The following PACRGL variants were observed in gnomAD, a reference collection of about 807,000 sequenced individuals.
The protein encoded by PACRGL is parkin coregulated like.
In PACRGL, 38 loss-of-function variants were observed where a neutral mutation model predicts 34.5. That is an observed-to-expected ratio of 1.10 (90% confidence interval 0.85 to 1.44). The LOEUF (loss-of-function observed/expected upper bound fraction) is 1.44, where lower values mean the gene tolerates loss of function less well. Ranked by LOEUF, PACRGL falls within the 40% of genes most tolerant of loss-of-function variation. The pLI, the probability that PACRGL is intolerant of heterozygous loss-of-function variation, is 0.00. For missense variants in PACRGL, 305 were observed against 281.4 expected (o/e 1.08, Z -0.60); for synonymous variants, 128 against 100.1 (o/e 1.28, Z -1.66).
chr4:20,721,817 C>G (rs1436020640), intron 7 of PACRGL, among the ~76,000 whole-genome samples: 2 of 152,230 alleles, frequency 1.3e-5, no homozygotes, highest in Non-Finnish European at 2.9e-5. Context: ...AGATCTCAAA[C>G]TCCGTGCTGG....
At chr4:20,719,513 G>T (rs1741951329) in intron 7 of PACRGL, among the ~76,000 whole-genome samples, 1 of 152,144 alleles carries the variant, frequency 6.6e-6, no homozygotes, top group African/African-American at 2.4e-5. Context: ...ATGTCCCAGA[G>T]ATTCTGGTAC....
downstream of PACRGL, among the ~76,000 whole-genome samples, chr4:20,733,293 G>A (rs1031909905): frequency 6.6e-6 from 1 of 152,096 alleles, no homozygotes; most frequent in Non-Finnish European, 1.5e-5. Flanking sequence ...AGTCACATGT[G>A]AAGACTAGTC....
chr4:20,703,024 C>T (rs1035888117), intron 1 of PACRGL, among the ~76,000 whole-genome samples: 2 of 152,086 alleles, frequency 1.3e-5, no homozygotes, highest in Non-Finnish European at 2.9e-5. Flanking sequence ...AGATATCTGG[C>T]TAAATTTTAT....
intron 8 of PACRGL, among the ~76,000 whole-genome samples, chr4:20,745,268 C>T (rs1752174390): frequency 6.6e-6 from 1 of 152,068 alleles, no homozygotes; most frequent in South Asian, 2.1e-4. Context: ...CAAAAGTATC[C>T]TGATTCACAT....
chr4:20,760,737 C>G, the PACRGL span, among the ~76,000 whole-genome samples: 1 of 152,070 alleles, frequency 6.6e-6, no homozygotes, highest in Non-Finnish European at 1.5e-5. Flanking sequence ...GCTTGGAACT[C>G]TCCAGGTCAT....
Position 20,729,050 on chromosome 4 carries a change from ATTT to A in PACRGL, c.*1711_*1713del, listed in dbSNP as rs1202721019. The A allele has an allele frequency of 1.4e-5, 1 of 69,806 alleles. No homozygotes were observed. The highest frequency in any genetic ancestry group is 3.1e-5 in the Non-Finnish European group (1 of 32,606). 4.3% of individuals were successfully genotyped at this position (69,806 alleles called of 1,614,324 possible). On this transcript the variant is annotated 3_prime_UTR_variant, in exon 9 of 9. Transcript: ENST00000503585. Reference sequence around the variant, plus strand: ...GGAACCACTGGTGCTTTCAAAGTGAATTTTGCTTGCTAATTTTGCTTGCTGTTT... The same window carrying A: ...GGAACCACTGGTGCTTTCAAAGTGAATGCTTGCTAATTTTGCTTGCTGTTT...
At chr4:20,745,888 C>T (rs990565949) in intron 8 of PACRGL, among the ~76,000 whole-genome samples, 4 of 152,144 alleles carry the variant, frequency 2.6e-5, no homozygotes, top group Non-Finnish European at 5.9e-5. Flanking sequence ...AATGAGATGA[C>T]CAATGTCATT....
intron 8 of PACRGL, among the ~76,000 whole-genome samples, chr4:20,746,567 A>G (rs113698381): frequency 2.6e-5 from 4 of 152,222 alleles, no homozygotes; most frequent in African/African-American, 9.6e-5. Flanking sequence ...TTAACATCTA[A>G]TAACTACTGA....
At chr4:20,708,673 G>A (rs1735672503) in intron 4 of PACRGL, among the ~76,000 whole-genome samples, 1 of 151,908 alleles carries the variant, frequency 6.6e-6, no homozygotes, top group Non-Finnish European at 1.5e-5. Flanking sequence ...TTACTCTTAT[G>A]AAAATAAGCC....
At chr4:20,735,530 G>GTTTTTTT (rs10542507), downstream of PACRGL, among the ~76,000 whole-genome samples, 1 of 109,714 alleles carries the variant, frequency 9.1e-6, no homozygotes, top group East Asian at 2.7e-4. Context: ...TTTTTTTTTT[G>GTTTTTTT]TTTTTTTTTT....
upstream of PACRGL, among the ~76,000 whole-genome samples, chr4:20,696,890 T>G (rs1731266461): frequency 6.6e-6 from 1 of 152,216 alleles, no homozygotes; most frequent in African/African-American, 2.4e-5. Flanking sequence ...AATATCACAT[T>G]AATAGTGTTT....
Position 20,732,172 on chromosome 4 carries a change from T to C in PACRGL, c.*4831T>C. ...GATAAAAAGAAAACCTAGCTGCTTA[T>C]TTATTTCACGTGGAGGAACTGTTTC... is the stretch of plus-strand genomic sequence containing the variant. On this transcript the variant is annotated 3_prime_UTR_variant, in exon 9 of 9. Coordinates refer to ENST00000503585, the MANE Select transcript of PACRGL (RefSeq NM_001258345.3). The C allele has an allele frequency of 1.3e-6, 1 of 767,324 alleles. No homozygotes were observed. Among genetic ancestry groups the C allele is most frequent in the Non-Finnish European group, 2.2e-6 (1 of 464,070 alleles). 47.5% of individuals were successfully genotyped at this position (767,324 alleles called of 1,614,324 possible). A position where few individuals can be genotyped will look rare whatever the true frequency, so the allele number is the denominator to read the frequency against.
intron 6 of PACRGL, 132 bp downstream of exon 6, chr4:20,713,054 C>A: frequency 1.0e-6 from 1 of 993,410 alleles, no homozygotes; most frequent in Non-Finnish European, 1.4e-6. Flanking sequence ...GTGATTCTGA[C>A]ACATTTACAG....
Position 20,728,738 on chromosome 4 carries a change from G to T in PACRGL, c.*1397G>T. 1 of 152,522 alleles carries T rather than the reference G, an allele frequency of 6.6e-6. No individual in the cohort carries two copies. The highest frequency in any genetic ancestry group is 1.5e-5 in the Non-Finnish European group (1 of 68,024). The allele number at this position is 152,522 out of a possible 1,614,324, so 9.4% of individuals were successfully genotyped here. ...TGTACTACTCTTAATTTCTACACTG[G>T]TGATAGCAGGGCAGCTTTCAACATC... On this transcript the variant is annotated 3_prime_UTR_variant, in exon 9 of 9. Coordinates refer to ENST00000503585, the MANE Select transcript of PACRGL (RefSeq NM_001258345.3).
chr4:20,699,906 C>A (rs1263307971), upstream of PACRGL, among the ~76,000 whole-genome samples: 1 of 151,956 alleles, frequency 6.6e-6, no homozygotes, highest in South Asian at 2.1e-4. Context: ...TATTTAAATG[C>A]GGATATACTG....
chr4:20,704,393 T>G (rs1733618460), intron 1 of PACRGL, 73 bp from the exon 2 acceptor site: 17 of 1,412,422 alleles, frequency 1.2e-5, no homozygotes, highest in Non-Finnish European at 1.7e-5. Flanking sequence ...CTGTTCTGGT[T>G]TTGTCTTTTT....
At chr4:20,741,453 C>G (rs1042455794) in intron 8 of PACRGL, among the ~76,000 whole-genome samples, 8 of 152,186 alleles carry the variant, frequency 5.3e-5, no homozygotes, top group Admixed American at 2.0e-4. Flanking sequence ...ACTGAACAAC[C>G]TGCTCCTGAA....
rs1199656789 is a variant in PACRGL, at chr4:20,729,084, T to TAGTAGACAGTGG, written c.*1744_*1755dup. Reference sequence around the variant, plus strand: ...GCTAATTTTGCTTGCTGTTTGTTCTTAGTAGACAGTGGGGTAGTCAAGGTT... The same window carrying TAGTAGACAGTGG: ...GCTAATTTTGCTTGCTGTTTGTTCTTAGTAGACAGTGGAGTAGACAGTGGGGTAGTCAAGGTT... On this transcript the variant is annotated 3_prime_UTR_variant, in exon 9 of 9. Transcript: ENST00000503585. The TAGTAGACAGTGG allele has an allele frequency of 1.3e-5, 2 of 152,108 alleles. No homozygotes were observed. Among genetic ancestry groups the TAGTAGACAGTGG allele is most frequent in the East Asian group, 4.0e-4 (2 of 5,056 alleles). The allele number at this position is 152,108 out of a possible 1,614,324, so 9.4% of individuals were successfully genotyped here.
chr4:20,732,750 C>G, downstream of PACRGL: 2 of 1,612,134 alleles, frequency 1.2e-6, no homozygotes, highest in Non-Finnish European at 1.7e-6. Flanking sequence ...ATTTACCCAT[C>G]ATATCGTATA....
Sources: allele counts gnomAD v4.1 joint callset (sites outside exome capture counted in the v4.1 genomes callset), GRCh38; gene constraint gnomAD v4.1.1; transcripts MANE v1.5; gene names NCBI Gene and HGNC (gene_info 2026-07-23, HGNC 2026-07-21).